GSE1: variants seen among roughly 807,000 people sequenced by gnomAD.
GSE1 encodes the protein Gse1 coiled-coil protein, also known as genetic suppressor element 1.
Under a neutral mutation model 112.6 loss-of-function variants are expected in GSE1, and 32 were observed. The observed-to-expected ratio is 0.28, with a 90% CI of 0.21 to 0.38. The LOEUF (loss-of-function observed/expected upper bound fraction) is 0.38. GSE1 is among the 10% of genes least tolerant of loss of function. The pLI, the probability that GSE1 is intolerant of heterozygous loss-of-function variation, is 1.00. For synonymous variants in GSE1, 1,115 were observed against 735.6 expected (o/e 1.52, Z -8.35); for missense variants, 2,348 against 1,699.2 (o/e 1.38, Z -6.71).
intron 2 of GSE1, among the ~76,000 whole-genome samples, chr16:85,516,310 C>G (rs555025625): frequency 1.0e-3 from 154 of 151,920 alleles, no homozygotes; most frequent in African/African-American, 3.6e-3. Flanking sequence ...GACTGGGAGA[C>G]AGAGCCGGCA....
intron 2 of GSE1, among the ~76,000 whole-genome samples, chr16:85,446,893 G>A (rs79309122): frequency 0.016 from 2,484 of 152,202 alleles, 42 homozygotes; most frequent in East Asian, 0.1. Context: ...CTGGCCTTCC[G>A]TTCCCTCTGC....
rs1372753364 is a variant in GSE1, at chr16:85,261,713, T to A, written c.2283+89906T>A. The stretch of plus-strand genomic sequence containing the variant: ...GGCCCAGCAGATGCTTTCGGACAGA[T>A]CATCCCACGGTGGATGGCTGTTCAG... On this transcript the variant is annotated intron_variant, in intron 1 of 2. Transcript: ENST00000637419. 3.3e-5 allele frequency among the ~76,000 whole-genome samples: 5 copies of A among 152,176 alleles called. No individual in the cohort carries two copies. The East Asian group carries it at 9.6e-4, about 29-fold the overall frequency.
At chr16:85,375,498 G>C (rs776921405) in intron 2 of GSE1, among the ~76,000 whole-genome samples, 11 of 152,240 alleles carry the variant, frequency 7.2e-5, no homozygotes, top group Non-Finnish European at 1.6e-4. Flanking sequence ...GGCAGCACCA[G>C]TGCTGGTGGG....
chr16:85,533,220 C>G (rs904639833), intron 2 of GSE1, among the ~76,000 whole-genome samples: 3 of 151,248 alleles, frequency 2.0e-5, no homozygotes, highest in African/African-American at 7.3e-5. Flanking sequence ...CGAGACCAGC[C>G]TGACCATGGC....
chr16:85,350,028 A>T (rs932105314), intron 1 of GSE1, among the ~76,000 whole-genome samples: 2 of 152,146 alleles, frequency 1.3e-5, no homozygotes, highest in Non-Finnish European at 2.9e-5. Context: ...TCTCACTGTG[A>T]CCAGCTGGGT....
intron 2 of GSE1, among the ~76,000 whole-genome samples, chr16:85,451,288 G>A (rs981021147): frequency 2.6e-5 from 4 of 152,134 alleles, no homozygotes; most frequent in South Asian, 2.1e-4. Flanking sequence ...GCACCCACGG[G>A]TCTGTTTTCT....
chr16:85,539,593 A>T (rs1189892568), intron 2 of GSE1, among the ~76,000 whole-genome samples: 1 of 152,132 alleles, frequency 6.6e-6, no homozygotes, highest in Non-Finnish European at 1.5e-5. Context: ...TGCAATAGTC[A>T]TTACACCTCT....
chr16:85,601,916 T>G (rs1403641184), intron 1 of GSE1, among the ~76,000 whole-genome samples: 1 of 152,230 alleles, frequency 6.6e-6, no homozygotes, highest in Non-Finnish European at 1.5e-5. Context: ...GGGACTTGAT[T>G]GTCCGAGTGA....
intron 2 of GSE1, among the ~76,000 whole-genome samples, chr16:85,533,963 C>T (rs975244300): frequency 1.3e-5 from 2 of 152,146 alleles, no homozygotes; most frequent in African/African-American, 4.8e-5. Flanking sequence ...CTGACATATG[C>T]GTACGTCTGT....
chr16:85,321,792 T>TAA (rs796199363), intron 1 of GSE1, among the ~76,000 whole-genome samples: 3 of 135,938 alleles, frequency 2.2e-5, no homozygotes, highest in Non-Finnish European at 3.2e-5. Context: ...GAGCCTGTCT[T>TAA]AAAAAAAAAA....
At chr16:85,391,203 G>A (rs1244481476) in intron 2 of GSE1, among the ~76,000 whole-genome samples, 3 of 152,234 alleles carry the variant, frequency 2.0e-5, no homozygotes, top group Admixed American at 6.5e-5. Context: ...AGCAGCCCAC[G>A]TGGCACAGAG....
At position 85,487,313 on chromosome 16, in the gene GSE1, G is replaced by A. The variant is rs112891721; in HGVS notation, c.2464+129670G>A. Among the ~76,000 whole-genome samples, 1,230 of 152,248 alleles carry A rather than the reference G, an allele frequency of 8.1e-3. 18 individuals carry two copies. The highest frequency in any genetic ancestry group is 0.028 in the African/African-American group (1,167 of 41,528). ...CTCCTCCCGTCACGTGGCGAGCTAC[G>A]TCCCGTGGATACAGAGGAGTGTTTT... On this transcript the variant is annotated intron_variant, in intron 2 of 2. Transcript: ENST00000637419.
intron 2 of GSE1, among the ~76,000 whole-genome samples, chr16:85,453,385 C>T (rs1340902540): frequency 6.6e-6 from 1 of 152,176 alleles, no homozygotes; most frequent in African/African-American, 2.4e-5. Context: ...TGGGGCGTGC[C>T]AGGCAGTGAC....
intron 2 of GSE1, among the ~76,000 whole-genome samples, chr16:85,399,840 G>A (rs755413506): frequency 2.1e-4 from 32 of 152,192 alleles, no homozygotes; most frequent in African/African-American, 5.6e-4. Flanking sequence ...CCGTGAGTGC[G>A]GGCTGCGGTT....
At chr16:85,352,750 G>GC (rs1305704901) in intron 1 of GSE1, among the ~76,000 whole-genome samples, 1 of 152,214 alleles carries the variant, frequency 6.6e-6, no homozygotes, top group Non-Finnish European at 1.5e-5. Context: ...AACCCTGTGT[G>GC]CCCCACAGCC....
At chr16:85,511,259 G>T (rs2051735292) in intron 2 of GSE1, among the ~76,000 whole-genome samples, 1 of 152,244 alleles carries the variant, frequency 6.6e-6, no homozygotes, top group Non-Finnish European at 1.5e-5. Context: ...GGGTTCAGTG[G>T]CTCACGCCTG....
At chr16:85,333,279 G>A (rs544486602) in intron 1 of GSE1, among the ~76,000 whole-genome samples, 6 of 152,256 alleles carry the variant, frequency 3.9e-5, no homozygotes, top group East Asian at 1.9e-4. Flanking sequence ...GCTGATCCAC[G>A]CGGGCCCACC....
In GSE1 at chr16:85,496,099, C is replaced by T. The variant is rs372688270; in HGVS notation, c.2465-137815C>T. 7.3e-4 allele frequency among the ~76,000 whole-genome samples: 111 copies of T among 152,320 alleles called. 2 individuals carry two copies. In the South Asian group the frequency reaches 0.022, roughly 30 times the overall value. On this transcript the variant is annotated intron_variant, in intron 2 of 2. Coordinates refer to the GSE1 transcript ENST00000637419. Reference sequence around the variant, plus strand: ...TCCATCCGAGCACTCTGTATGGGGGCACAGCTCGGAGCAGGGTCTCCGGCT... The same window carrying T: ...TCCATCCGAGCACTCTGTATGGGGGTACAGCTCGGAGCAGGGTCTCCGGCT...
chr16:85,510,938 G>A (rs1402505476), intron 2 of GSE1, among the ~76,000 whole-genome samples: 1 of 152,174 alleles, frequency 6.6e-6, no homozygotes, highest in Non-Finnish European at 1.5e-5. Context: ...TGACCACTCT[G>A]TCAAAAACTG....
Sources: gnomAD v4.1 joint callset for allele counts (sites outside exome capture counted in the v4.1 genomes callset) on GRCh38, gnomAD v4.1.1 for gene constraint, MANE v1.5 for transcripts, NCBI Gene and HGNC (gene_info 2026-07-23, HGNC 2026-07-21) for gene names.